MBNL1: variants seen among roughly 807,000 people sequenced by gnomAD.
MBNL1 encodes muscleblind-like protein 1.
MBNL1 carries 8 observed loss-of-function variants against 42.2 expected under a neutral mutation model. The observed-to-expected ratio is 0.19, with a 90% CI of 0.11 to 0.34. The LOEUF is 0.34. Among genes scored for constraint, MBNL1 ranks in the 10% least tolerant of loss-of-function variants. The pLI is 1.00. For synonymous variants in MBNL1, 169 were observed against 173.9 expected, an observed-to-expected ratio of 0.97 and a Z score of 0.22; for missense variants, 309 against 495.3, an observed-to-expected ratio of 0.62 and a Z score of 3.57.
At chr3:152,269,185 G>A (rs2038464412) in intron 1 of MBNL1, 93 bp downstream of exon 1, 1 of 392,416 alleles carries the variant, frequency 2.5e-6, no homozygotes, top group Non-Finnish European at 5.1e-6. Flanking sequence ...GCGAGGAGGT[G>A]CTCGCCGGCC....
At chr3:152,255,138 A>G (rs529506828) in intron 2 of MBNL1, among the ~76,000 whole-genome samples, 1 of 152,292 alleles carries the variant, frequency 6.6e-6, no homozygotes, top group Admixed American at 6.5e-5. Flanking sequence ...AAGACACAGC[A>G]TAAAAAATAG....
chr3:152,447,443 CTT>C (rs759856709), intron 5 of MBNL1, among the ~76,000 whole-genome samples, 175 bp from the exon 6 acceptor site: 2 of 133,748 alleles, frequency 1.5e-5, no homozygotes. Flanking sequence ...TTTTATCTTG[CTT>C]TTTTTTTTTT....
intron 2 of MBNL1, among the ~76,000 whole-genome samples, chr3:152,376,781 T>TACGC (rs3035909): frequency 0.071 from 10,793 of 152,086 alleles, 496 homozygotes; most frequent in Middle Eastern, 0.16. Context: ...TCTATATATA[T>TACGC]ACGCACACAC....
intron 3 of MBNL1, among the ~76,000 whole-genome samples, chr3:152,425,212 GA>G (rs1262974044): frequency 0.012 from 1,682 of 140,596 alleles, 34 homozygotes; most frequent in African/African-American, 0.04. Flanking sequence ...AAATTTACAA[GA>G]AAAAAAAAAA....
At chr3:152,286,330 T>A (rs1560003692) in intron 1 of MBNL1, among the ~76,000 whole-genome samples, 1 of 143,544 alleles carries the variant, frequency 7.0e-6, no homozygotes, top group African/African-American at 2.5e-5. Context: ...AAATATTTAA[T>A]TATATTTTAT....
chr3:152,344,994 T>G lies in MBNL1; in HGVS notation c.174+44627T>G, dbSNP rs561338174. 5.3e-5 allele frequency among the ~76,000 whole-genome samples: 8 copies of G among 152,298 alleles called. No individual in the cohort carries two copies. In the East Asian group the frequency reaches 1.5e-3, roughly 29 times the overall value. The stretch of plus-strand genomic sequence containing the variant: ...AATTCTCTGTAATTCTCTATTTCTT[T>G]CCTTTCATGGCTATGTATGCCTGAA... On this transcript the variant is annotated intron_variant, in intron 2 of 9. Coordinates refer to ENST00000324210, the MANE Select transcript of MBNL1 (RefSeq NM_021038.5).
chr3:152,351,631 T>C (rs904849551), intron 2 of MBNL1, among the ~76,000 whole-genome samples: 74 of 152,026 alleles, frequency 4.9e-4, no homozygotes, highest in African/African-American at 1.8e-3. Flanking sequence ...ATAGGAGGGG[T>C]TTTAAGGTAG....
chr3:152,383,394 G>C (rs997630787), intron 2 of MBNL1, among the ~76,000 whole-genome samples: 2 of 152,038 alleles, frequency 1.3e-5, no homozygotes, highest in African/African-American at 4.8e-5. Flanking sequence ...AGGTGTTTGT[G>C]TCATGCCTCA....
At position 152,269,955 on chromosome 3, in the gene MBNL1, TG is replaced by T. The variant is rs1216581084; in HGVS notation, c.-790+865del. ...TTTAAACGGAGCCGGAATCTGTTAT[TG>T]GTAGTAATGTGTCATGTGAGAATAC... On this transcript the variant is annotated intron_variant, in intron 1 of 9. Coordinates refer to ENST00000324210, the MANE Select transcript of MBNL1 (RefSeq NM_021038.5). Among the ~76,000 whole-genome samples the T allele has an allele frequency of 1.3e-4, 19 of 141,198 alleles. No homozygotes were observed. In the Admixed American group the frequency reaches 1.4e-3, roughly 10 times the overall value. 92.6% of individuals were successfully genotyped at this position (141,198 alleles called of 152,430 possible). A position where few individuals can be genotyped will look rare whatever the true frequency, so the allele number is the denominator to read the frequency against.
chr3:152,261,102 G>A (rs2036182787), intron 2 of MBNL1, among the ~76,000 whole-genome samples: 1 of 152,242 alleles, frequency 6.6e-6, no homozygotes, highest in East Asian at 1.9e-4. Context: ...CAGAGTTTAG[G>A]CAAGAAGCTG....
At chr3:152,429,192 C>T (rs2098974583) in intron 3 of MBNL1, among the ~76,000 whole-genome samples, 1 of 152,138 alleles carries the variant, frequency 6.6e-6, no homozygotes, top group African/African-American at 2.4e-5. Context: ...ATGATGCTGA[C>T]ACAAAATAAA....
At chr3:152,453,999 G>GTAA (rs1337109912) in intron 6 of MBNL1, among the ~76,000 whole-genome samples, 1 of 152,038 alleles carries the variant, frequency 6.6e-6, no homozygotes, top group South Asian at 2.1e-4. Context: ...CATTAAGACA[G>GTAA]TAATGATTTT....
intron 2 of MBNL1, among the ~76,000 whole-genome samples, chr3:152,358,929 A>G (rs2095730598): frequency 6.6e-6 from 1 of 152,170 alleles, no homozygotes; most frequent in Non-Finnish European, 1.5e-5. Flanking sequence ...TTTTAAAGTA[A>G]TAAATACACA....
At chr3:152,374,070 G>C (rs997425759) in intron 2 of MBNL1, among the ~76,000 whole-genome samples, 4 of 152,184 alleles carry the variant, frequency 2.6e-5, no homozygotes, top group East Asian at 1.9e-4. Flanking sequence ...ACATATAAAG[G>C]CTGTTTTAAA....
intron 1 of MBNL1, among the ~76,000 whole-genome samples, chr3:152,295,119 G>T (rs1291693620): frequency 6.6e-6 from 1 of 152,064 alleles, no homozygotes; most frequent in Non-Finnish European, 1.5e-5. Flanking sequence ...TTAATACTTT[G>T]ATTATCATCC....
chr3:152,411,269 C>G (rs895684916), intron 2 of MBNL1, among the ~76,000 whole-genome samples: 3 of 152,202 alleles, frequency 2.0e-5, no homozygotes, highest in Admixed American at 2.0e-4. Flanking sequence ...CACCTATAAT[C>G]CCAGCACTTT....
intron 2 of MBNL1, among the ~76,000 whole-genome samples, chr3:152,414,186 G>A (rs964800459): frequency 1.7e-4 from 26 of 152,316 alleles, no homozygotes; most frequent in African/African-American, 6.3e-4. Context: ...GTAGTGCACC[G>A]CCATTCCTGG....
At chr3:152,421,936 A>G (rs988195684) in intron 3 of MBNL1, among the ~76,000 whole-genome samples, 1 of 152,060 alleles carries the variant, frequency 6.6e-6, no homozygotes, top group African/African-American at 2.4e-5. Context: ...GAAGCACTGA[A>G]TATGGAAAGG....
chr3:152,390,437 G>A (rs904332694), intron 2 of MBNL1, among the ~76,000 whole-genome samples: 2 of 151,626 alleles, frequency 1.3e-5, no homozygotes, highest in African/African-American at 4.8e-5. Context: ...TGATAACAAT[G>A]CCTTCTTCTG....
Sources: gnomAD v4.1 joint callset for allele counts (sites outside exome capture counted in the v4.1 genomes callset) on GRCh38, gnomAD v4.1.1 for gene constraint, MANE v1.5 for transcripts, NCBI Gene and HGNC (gene_info 2026-07-23, HGNC 2026-07-21) for gene names.